EFNA5: variants seen among roughly 807,000 people sequenced by gnomAD.
EFNA5 encodes the protein ephrin A5.
A neutral mutation model predicts 22.9 loss-of-function variants in EFNA5; 5 were observed. The observed-to-expected ratio is 0.22, with a 90% CI of 0.11 to 0.46. EFNA5 has a LOEUF of 0.46. Among genes scored for constraint, EFNA5 ranks in the 20% least tolerant of loss-of-function variants. The pLI is 0.99. For synonymous variants in EFNA5, 113 were observed against 112.2 expected (o/e 1.01, Z -0.04); for missense variants, 237 against 293.3 (o/e 0.81, Z 1.40).
chr5:107,666,066 A>T (rs988128820), intron 1 of EFNA5, among the ~76,000 whole-genome samples: 1 of 152,180 alleles, frequency 6.6e-6, no homozygotes, highest in African/African-American at 2.4e-5. Flanking sequence ...ATTACTTAAA[A>T]TATTTAAAAT....
intron 1 of EFNA5, among the ~76,000 whole-genome samples, chr5:107,617,237 C>CACACAGAG (rs1385888674): frequency 1.2e-3 from 167 of 144,548 alleles, no homozygotes; most frequent in African/African-American, 3.9e-3. Context: ...CACACACACA[C>CACACAGAG]AGAGAGAGAG....
At chr5:107,470,153 T>C (rs1203577022) in intron 1 of EFNA5, among the ~76,000 whole-genome samples, 1 of 152,190 alleles carries the variant, frequency 6.6e-6, no homozygotes, top group Non-Finnish European at 1.5e-5. Context: ...GAGCCGCTCC[T>C]TTGCTGTAAT....
intron 1 of EFNA5, among the ~76,000 whole-genome samples, chr5:107,597,872 C>T (rs1749507799): frequency 6.6e-6 from 1 of 152,010 alleles, no homozygotes; most frequent in African/African-American, 2.4e-5. Context: ...AAGTGCATCC[C>T]CCGACAGAAT....
At chr5:107,464,704 G>A (rs1159187636) in intron 1 of EFNA5, among the ~76,000 whole-genome samples, 1 of 152,152 alleles carries the variant, frequency 6.6e-6, no homozygotes, top group East Asian at 1.9e-4. Flanking sequence ...CAAGAGGGGA[G>A]TTGCCCATAG....
chr5:107,487,516 C>T (rs1284355801), intron 1 of EFNA5, among the ~76,000 whole-genome samples: 7 of 152,136 alleles, frequency 4.6e-5, no homozygotes, highest in Non-Finnish European at 1.0e-4. Flanking sequence ...TGGCTGTGTC[C>T]ATGAGAGTAT....
rs181578492 is a variant in EFNA5, at chr5:107,413,784, T to A, written c.418+13433A>T. Among the ~76,000 whole-genome samples, 3 of 152,284 alleles carry A rather than the reference T, an allele frequency of 2.0e-5. No homozygotes were observed. In the East Asian group the frequency reaches 5.8e-4, roughly 29 times the overall value. ...TCAGCAAGGTCAAATTATGTCTAAT[T>A]TACAGGTAAAGCAATGAGACAATTT... is the stretch of plus-strand genomic sequence containing the variant. On this transcript the variant is annotated intron_variant, in intron 2 of 4. Coordinates refer to ENST00000333274, the MANE Select transcript of EFNA5 (RefSeq NM_001962.3).
chr5:107,569,330 GA>G (rs1397920061), intron 1 of EFNA5, among the ~76,000 whole-genome samples: 2 of 142,012 alleles, frequency 1.4e-5, no homozygotes, highest in African/African-American at 5.8e-5. Flanking sequence ...TGTATTAATA[GA>G]AAGGACTGCA....
At chr5:107,628,615 A>G (rs1750185549) in intron 1 of EFNA5, among the ~76,000 whole-genome samples, 1 of 152,186 alleles carries the variant, frequency 6.6e-6, no homozygotes. Flanking sequence ...ACAACATATT[A>G]TACCAGGGGA....
At chr5:107,666,960 CTTTA>C (rs1242029775) in intron 1 of EFNA5, among the ~76,000 whole-genome samples, 1 of 151,960 alleles carries the variant, frequency 6.6e-6, no homozygotes, top group African/African-American at 2.4e-5. Context: ...GTCTTTTTAA[CTTTA>C]TTTAAAAGCT....
At chr5:107,509,627 G>A (rs1040401221) in intron 1 of EFNA5, among the ~76,000 whole-genome samples, 2 of 151,282 alleles carry the variant, frequency 1.3e-5, no homozygotes, top group African/African-American at 2.4e-5. Context: ...CACCACACCC[G>A]GCCTGAGTGT....
At chr5:107,535,753 A>C (rs1747917858) in intron 1 of EFNA5, among the ~76,000 whole-genome samples, 1 of 152,148 alleles carries the variant, frequency 6.6e-6, no homozygotes, top group African/African-American at 2.4e-5. Flanking sequence ...CGAGGTCGTT[A>C]TGGGCAAAAT....
intron 1 of EFNA5, among the ~76,000 whole-genome samples, chr5:107,643,857 GCTGT>G (rs955360233): frequency 3.3e-4 from 48 of 145,340 alleles, no homozygotes; most frequent in Admixed American, 1.1e-3. Context: ...CTTCTTTATA[GCTGT>G]CTATTTTCTT....
chr5:107,421,948 C>T lies in EFNA5; in HGVS notation c.418+5269G>A, dbSNP rs530808403. Among the ~76,000 whole-genome samples, 179 of 152,132 alleles carry T rather than the reference C, an allele frequency of 1.2e-3. 1 individual carries two copies. The highest frequency in any genetic ancestry group is 4.0e-3 in the African/African-American group (165 of 41,526). On this transcript the variant is annotated intron_variant, in intron 2 of 4. Coordinates refer to ENST00000333274, the MANE Select transcript of EFNA5 (RefSeq NM_001962.3). The stretch of plus-strand genomic sequence containing the variant: ...CTGGGGTTACAGGCATGAGCTACCA[C>T]GCCCGTCTAATTTTGCATTTTTAGT...
chr5:107,397,137 C>T (rs555865201), intron 2 of EFNA5, among the ~76,000 whole-genome samples: 14 of 151,964 alleles, frequency 9.2e-5, no homozygotes, highest in Non-Finnish European at 7.4e-5. Context: ...CCTATAGTCC[C>T]AACTACTAGG....
At chr5:107,563,030 T>C (rs2112479010) in intron 1 of EFNA5, among the ~76,000 whole-genome samples, 1 of 152,262 alleles carries the variant, frequency 6.6e-6, no homozygotes, top group East Asian at 1.9e-4. Flanking sequence ...ACAAAAGTAA[T>C]CACCCACCAG....
intron 1 of EFNA5, among the ~76,000 whole-genome samples, chr5:107,642,965 C>A (rs1010347866): frequency 4.0e-5 from 6 of 149,382 alleles, no homozygotes; most frequent in Admixed American, 6.7e-5. Context: ...TCTAGACGAT[C>A]TTGAAGGCCC....
chr5:107,546,651 A>AACATACACACAC (rs1554065956), intron 1 of EFNA5, among the ~76,000 whole-genome samples: 117 of 121,296 alleles, frequency 9.6e-4, no homozygotes, highest in African/African-American at 2.7e-3. Context: ...TGGTGCGTAA[A>AACATACACACAC]ACACACACAC....
rs548668131 is a variant in EFNA5, at chr5:107,558,101, G to A, written c.125+112388C>T. On this transcript the variant is annotated intron_variant, in intron 1 of 4. Coordinates refer to ENST00000333274, the MANE Select transcript of EFNA5 (RefSeq NM_001962.3). ...GCATTTTAAAAAAAGTCTGAGAGGGGGAGGGGCATTAAAATAAACATAAAC... is the reference window on the plus strand; with the variant it reads ...GCATTTTAAAAAAAGTCTGAGAGGGAGAGGGGCATTAAAATAAACATAAAC... Among the ~76,000 whole-genome samples the A allele has an allele frequency of 6.6e-5, 10 of 152,114 alleles. No homozygotes were observed. The East Asian group carries it at 1.9e-3, about 29-fold the overall frequency.
intron 1 of EFNA5, among the ~76,000 whole-genome samples, chr5:107,519,230 T>G (rs1348749107): frequency 6.6e-6 from 1 of 152,220 alleles, no homozygotes; most frequent in African/African-American, 2.4e-5. Flanking sequence ...ATTCTAAAAG[T>G]CGGAACCTAG....
Sources: allele counts gnomAD v4.1 joint callset (sites outside exome capture counted in the v4.1 genomes callset), GRCh38; gene constraint gnomAD v4.1.1; transcripts MANE v1.5; gene names NCBI Gene and HGNC (gene_info 2026-07-23, HGNC 2026-07-21).